Variants in ZNF44 observed in about 807,000 individuals in gnomAD.
ZNF44 encodes zinc finger protein 44, also known as gonadotropin inducible transcription repressor-2.
A neutral mutation model predicts 11.7 loss-of-function variants in ZNF44; 9 were observed. The observed-to-expected ratio is 0.77, with a 90% CI of 0.46 to 1.35. ZNF44 has a LOEUF of 1.35. Ranked by LOEUF, ZNF44 falls within the 40% of genes most tolerant of loss-of-function variation. The probability of loss-of-function intolerance (pLI) is 0.00; values close to 1 mark genes in which losing one functional copy is unlikely to be tolerated. For missense variants in ZNF44, 696 were observed against 743.1 expected, an observed-to-expected ratio of 0.94 and a Z score of 0.74; for synonymous variants, 224 against 242.7, an observed-to-expected ratio of 0.92 and a Z score of 0.72.
upstream of ZNF44, among the ~76,000 whole-genome samples, chr19:12,239,653 C>T (rs1916543539): frequency 2.7e-5 from 4 of 145,958 alleles, no homozygotes; most frequent in South Asian, 8.8e-4. Flanking sequence ...TCACTCACTG[C>T]AACCTCCACC....
intron 1 of ZNF44, among the ~76,000 whole-genome samples, chr19:12,282,661 G>A (rs1429839288): frequency 6.6e-6 from 1 of 152,040 alleles, no homozygotes; most frequent in Non-Finnish European, 1.5e-5. Flanking sequence ...GACCTGAGGT[G>A]ATCCGCCCAC....
At chr19:12,274,946 C>T in intron 3 of ZNF44, 27 bp downstream of exon 3, 2 of 1,543,832 alleles carry the variant, frequency 1.3e-6, no homozygotes, top group East Asian at 2.4e-5. Context: ...GCAAGGACAT[C>T]ACCTGTCTCT....
chr19:12,226,885 G>C lies in ZNF44; in HGVS notation n.437-358C>G, dbSNP rs548947503. ...AGTTAAAGACCAGCTGGGTAACATG[G>C]GGAAACCACATCTCTACTGAAAATA... On this transcript the variant is annotated intron_variant and non_coding_transcript_variant, in intron 3 of 3. Coordinates refer to the ZNF44 transcript ENST00000597563. 2.0e-5 allele frequency among the ~76,000 whole-genome samples: 3 copies of C among 152,202 alleles called. No individual in the cohort carries two copies. In the East Asian group the frequency reaches 5.8e-4, roughly 30 times the overall value.
At chr19:12,268,567 TTTA>T (rs1220005734), downstream of ZNF44, among the ~76,000 whole-genome samples, 1 of 152,036 alleles carries the variant, frequency 6.6e-6, no homozygotes, top group Non-Finnish European at 1.5e-5. Flanking sequence ...AGAAAATCTC[TTTA>T]TTATTATTTA....
In ZNF44 at chr19:12,273,245, T is replaced by C. The variant is rs371538950; in HGVS notation, c.1010A>G (p.His337Arg). The change falls in exon 4 of 4, where the codon CAT (histidine) becomes CGT (arginine). Residue 337 changes from histidine to arginine, a missense_variant. By Grantham distance (29) the His-to-Arg change is conservative (BLOSUM62 0). Transcript: ENST00000355684. Reference sequence around the variant, plus strand: ...GCCTTTCCCACATATCTTACATTTATGAGGTCCATCTCCACTGTGCATTAT... The same window carrying C: ...GCCTTTCCCACATATCTTACATTTACGAGGTCCATCTCCACTGTGCATTAT... ...HMIMHSGDGPHKCKICGKGFD... is the reference protein window; with the variant it reads ...HMIMHSGDGPRKCKICGKGFD... 16 of 1,614,046 alleles carry C rather than the reference T, an allele frequency of 9.9e-6. No homozygotes were observed. Among genetic ancestry groups the C allele is most frequent in the Admixed American group, 1.7e-5 (1 of 60,002 alleles).
intron 3 of ZNF44, among the ~76,000 whole-genome samples, chr19:12,226,871 A>G (rs1443307968): frequency 6.6e-6 from 1 of 152,124 alleles, no homozygotes; most frequent in African/African-American, 2.4e-5. Context: ...GTTAAAGACC[A>G]GCTGGGTAAC....
chr19:12,242,509 CAAAA>C (rs779926213), upstream of ZNF44, among the ~76,000 whole-genome samples: 1 of 101,278 alleles, frequency 9.9e-6, no homozygotes. Context: ...GACTCCGGCT[CAAAA>C]AAAAAAAAAA....
chr19:12,287,701 A>G (rs1371132697), intron 1 of ZNF44, among the ~76,000 whole-genome samples: 2 of 152,182 alleles, frequency 1.3e-5, no homozygotes, highest in Non-Finnish European at 2.9e-5. Context: ...TCATTATTCA[A>G]TCTTCTGTTG....
chr19:12,240,220 G>T (rs1190265520), upstream of ZNF44, among the ~76,000 whole-genome samples: 1 of 151,954 alleles, frequency 6.6e-6, no homozygotes, highest in Non-Finnish European at 1.5e-5. Flanking sequence ...GAGGCAGGCA[G>T]ATCACTTGAG....
rs367775746 is a variant in ZNF44, at chr19:12,273,097, T to A, written c.1158A>T (p.Ala386=). 1 of 1,613,926 alleles carries A rather than the reference T, an allele frequency of 6.2e-7. No homozygotes were observed. Among genetic ancestry groups the A allele is most frequent in the East Asian group, 2.2e-5 (1 of 44,856 alleles). Residue 386 remains alanine, a synonymous_variant, in exon 4 of 4, where the codon GCA becomes GCT. Coordinates refer to ENST00000355684, the MANE Select transcript of ZNF44 (RefSeq NM_016264.4). The part of the protein sequence containing the change: ...HRSSFRRHMM[A]HTGDGPHKCT... ...ATTTATGAGGGCCATCTCCAGTGTG[T>A]GCCATCATGTGTCTTCGAAAGCTTG...
intron 5 of ZNF44, among the ~76,000 whole-genome samples, chr19:12,258,418 A>C (rs1917359553): frequency 6.6e-6 from 1 of 151,666 alleles, no homozygotes. Flanking sequence ...TTTGTATAAT[A>C]GCTGTCAATC....
chr19:12,276,286 G>C, intron 1 of ZNF44: 1 of 693,834 alleles, frequency 1.4e-6, no homozygotes, highest in Non-Finnish European at 2.4e-6. Flanking sequence ...AATAACAGTT[G>C]AGTAGGAACA....
At chr19:12,242,296 T>A (rs1916643960), upstream of ZNF44, among the ~76,000 whole-genome samples, 1 of 150,106 alleles carries the variant, frequency 6.7e-6, no homozygotes, top group Non-Finnish European at 1.5e-5. Flanking sequence ...TCACATGAGG[T>A]CAGGAGTTCA....
At chr19:12,230,117 A>G (rs967455056) in intron 3 of ZNF44, among the ~76,000 whole-genome samples, 4 of 152,174 alleles carry the variant, frequency 2.6e-5, no homozygotes, top group Admixed American at 2.6e-4. Context: ...TCTAATGTGT[A>G]TTGGGGCCAG....
At chr19:12,249,646 G>A (rs898637593) in intron 7 of ZNF44, among the ~76,000 whole-genome samples, 2 of 152,034 alleles carry the variant, frequency 1.3e-5, no homozygotes, top group African/African-American at 4.8e-5. Context: ...TCCGCCTCCC[G>A]GGTTAAAGCG....
chr19:12,272,883 T>C lies in ZNF44; in HGVS notation c.1372A>G (p.Ser458Gly), dbSNP rs777545771. Residue 458 changes from serine to glycine, a missense_variant, in exon 4 of 4, where the codon AGT becomes GGT. By Grantham distance (56) the Ser-to-Gly change is moderately conservative. Coordinates refer to ENST00000355684, the MANE Select transcript of ZNF44 (RefSeq NM_016264.4). ...TGACTTTGAAAGGAAAATAAATCAC[T>C]AAAAGCTTTTCCACATTTACATTTA... ...PYKCKCGKAF[S>G]DLFSFQSHET... 6.2e-7 allele frequency: 1 copy of C among 1,614,086 alleles called. No homozygotes were observed. Among genetic ancestry groups the C allele is most frequent in the Admixed American group, 1.7e-5 (1 of 60,018 alleles).
rs372848608 is a variant in ZNF44, at chr19:12,284,857, C to G, written c.4-8775G>C. The stretch of plus-strand genomic sequence containing the variant: ...CCCCACACCGTCCCTTGCAAGGTGA[C>G]AGGCCACTGCGGCTCTGTGCTGGTG... On this transcript the variant is annotated intron_variant, in intron 1 of 3. Coordinates refer to ENST00000355684, the MANE Select transcript of ZNF44 (RefSeq NM_016264.4). 2.9e-5 allele frequency: 25 copies of G among 869,610 alleles called. No individual in the cohort carries two copies. In the Admixed American group the frequency reaches 4.1e-4, roughly 14 times the overall value. The allele number at this position is 869,610 out of a possible 1,614,324, so 53.9% of individuals were successfully genotyped here.
chr19:12,248,148 C>T (rs553045778), exon 8 of ZNF44: 42 of 1,302,952 alleles, frequency 3.2e-5, no homozygotes, highest in Admixed American at 2.0e-4. Flanking sequence ...TTCATGTGCT[C>T]GAGCAGAATG....
downstream of ZNF44, among the ~76,000 whole-genome samples, chr19:12,268,800 A>G (rs915801286): frequency 4.0e-5 from 6 of 150,664 alleles, no homozygotes; most frequent in African/African-American, 1.2e-4. Flanking sequence ...CTGGCGTGCA[A>G]TGGCACAATC....
Sources: allele counts gnomAD v4.1 joint callset (sites outside exome capture counted in the v4.1 genomes callset), GRCh38; gene constraint gnomAD v4.1.1; transcripts MANE v1.5; gene names NCBI Gene and HGNC (gene_info 2026-07-23, HGNC 2026-07-21).